Variants in RTEL1 observed in about 807,000 individuals in gnomAD.
RTEL1 encodes regulator of telomere elongation helicase 1, also known as regulator of telomere length.
A neutral mutation model predicts 162.2 loss-of-function variants in RTEL1; 86 were observed. The observed-to-expected ratio is 0.53, with a 90% confidence interval of 0.45 to 0.63. RTEL1 has a LOEUF of 0.63. RTEL1 is among the 30% of genes least tolerant of loss of function. RTEL1 has a pLI of 0.00. For missense variants in RTEL1, 1,941 were observed against 1,750.2 expected (o/e 1.11, Z -1.95); for synonymous variants, 958 against 717.9 (o/e 1.33, Z -5.35).
At chr20:63,685,677 T>C (rs1473089097) in intron 15 of RTEL1, 80 bp downstream of exon 15, 3 of 1,585,612 alleles carry the variant, frequency 1.9e-6, no homozygotes, top group Non-Finnish European at 2.6e-6. Flanking sequence ...TCCTATAAGG[T>C]GGGGGCCACC....
Position 63,695,349 on chromosome 20 carries a change from C to G in RTEL1, c.3521C>G (p.Thr1174Ser). 6.4e-7 allele frequency: 1 copy of G among 1,550,636 alleles called. No individual in the cohort carries two copies. The highest frequency in any genetic ancestry group is 8.7e-7 in the Non-Finnish European group (1 of 1,148,430). The change falls in exon 34 of 35, where the codon ACC (threonine) becomes AGC (serine). Residue 1174 changes from threonine to serine, a missense_variant. Thr to Ser is a moderately conservative substitution (Grantham distance 58). Transcript: ENST00000360203. ...CCAGGCCCCTCACGGTCCGAGAAGA[C>G]CGGGAAGACCCAGAGCAAGATCTCG... ...PQPGPSRSEK[T>S]GKTQSKISSF...
chr20:63,693,172 A>G lies in RTEL1; in HGVS notation c.2881A>G (p.Lys961Glu). ...GFYQFVRPHH[K>E]QQFEEVCIQL... ...CTACCAGTTTGTGCGGCCCCACCAT[A>G]AGCAGCAGTTTGAGGAGGTCTGTAT... The change falls in exon 30 of 35, where the codon AAG (lysine) becomes GAG (glutamate). Residue 961 changes from lysine (K) to glutamate (E), a missense_variant. By Grantham distance (56) the Lys-to-Glu change is moderately conservative. Coordinates refer to ENST00000360203, the MANE Select transcript of RTEL1 (RefSeq NM_001283009.2). 1 of 1,612,128 alleles carries G rather than the reference A, an allele frequency of 6.2e-7. No individual in the cohort carries two copies. Among genetic ancestry groups the G allele is most frequent in the Non-Finnish European group, 8.5e-7 (1 of 1,179,530 alleles).
At chr20:63,659,763 G>A (rs916257276) in intron 2 of RTEL1, among the ~76,000 whole-genome samples, 3 of 152,110 alleles carry the variant, frequency 2.0e-5, no homozygotes, top group Non-Finnish European at 2.9e-5. Context: ...AAATGAATAA[G>A]ACACAGAGAC....
chr20:63,693,474 TCCACCTCCACCA>T lies in RTEL1; in HGVS notation c.2992+203_2992+214del, dbSNP rs2090840909. Reference sequence around the variant, plus strand: ...CACCACCTCCACCTCCACCTCCACCTCCACCTCCACCACCACCTCCACCTCCACCACCACCTC... The same window carrying T: ...CACCACCTCCACCTCCACCTCCACCTCCACCTCCACCTCCACCACCACCTC... On this transcript the variant is annotated intron_variant, in intron 30 of 34. Coordinates refer to ENST00000360203, the MANE Select transcript of RTEL1 (RefSeq NM_001283009.2). Among the ~76,000 whole-genome samples the T allele has an allele frequency of 1.2e-3, 10 of 8,552 alleles. 1 individual carries two copies. The highest frequency in any genetic ancestry group is 4.3e-3 in the African/African-American group (8 of 1,870). 5.6% of individuals were successfully genotyped at this position (8,552 alleles called of 152,430 possible). A position where few individuals can be genotyped will look rare whatever the true frequency, so the allele number is the denominator to read the frequency against.
chr20:63,678,827 A>T (rs1156746050), intron 12 of RTEL1, among the ~76,000 whole-genome samples: 3 of 76,708 alleles, frequency 3.9e-5, no homozygotes, highest in Non-Finnish European at 7.7e-5. Context: ...CAGCACACAC[A>T]CCCACGGAAC....
Position 63,687,930 on chromosome 20 carries a change from C to T in RTEL1, c.1482-7C>T, listed in dbSNP as rs189271525. 1.1e-4 allele frequency: 182 copies of T among 1,612,058 alleles called. No homozygotes were observed. In the African/African-American group the frequency reaches 1.3e-3, roughly 12 times the overall value. ...CCCCACTGTCTGCTCCCTCTGGCCA[C>T]GCTCAGCCCTTTCCCAGTCTGCCTG... On this transcript the variant is annotated splice_region_variant and splice_polypyrimidine_tract_variant and intron_variant, in intron 17 of 34. Coordinates refer to ENST00000360203, the MANE Select transcript of RTEL1 (RefSeq NM_001283009.2).
At chr20:63,685,045 G>GTTT (rs745351879) in intron 14 of RTEL1, among the ~76,000 whole-genome samples, 10 of 127,500 alleles carry the variant, frequency 7.8e-5, no homozygotes, top group African/African-American at 2.6e-4. Flanking sequence ...GCCCGGCTAG[G>GTTT]TTTTTTTTTT....
Position 63,661,858 on chromosome 20 carries a change from A to C in RTEL1, c.310A>C (p.Thr104Pro), listed in dbSNP as rs1175895163. The change falls in exon 4 of 35, where the codon ACG becomes CCG. Residue 104 changes from threonine to proline, a missense_variant. Transcript: ENST00000360203. The surrounding 1 kb of genome is among the most constrained non-coding windows in gnomAD (Gnocchi z 5.1). ...AAAGDPIACY[T>P]DIPKIIYASR... Reference sequence around the variant, plus strand: ...TGCTTGTGTCTGGTCAGCTTGCTACACGGACATCCCAAAGATTATTTACGC... The same window carrying C: ...TGCTTGTGTCTGGTCAGCTTGCTACCCGGACATCCCAAAGATTATTTACGC... 6.2e-7 allele frequency: 1 copy of C among 1,613,932 alleles called. No homozygotes were observed. The highest frequency in any genetic ancestry group is 8.5e-7 in the Non-Finnish European group (1 of 1,179,972).
chr20:63,694,595 C>A, intron 31 of RTEL1, 107 bp downstream of exon 31: 1 of 1,238,582 alleles, frequency 8.1e-7, no homozygotes, highest in Non-Finnish European at 1.1e-6. Flanking sequence ...GGGGAGCCAT[C>A]TCATGGTGGG....
At position 63,688,613 on chromosome 20, in the gene RTEL1, C is replaced by T. The variant is rs765664650; in HGVS notation, c.1800+8C>T. 2.4e-5 allele frequency: 39 copies of T among 1,601,286 alleles called. No homozygotes were observed. Among genetic ancestry groups the T allele is most frequent in the Non-Finnish European group, 3.1e-5 (37 of 1,175,958 alleles). On this transcript the variant is annotated splice_region_variant and intron_variant, in intron 21 of 34. Coordinates refer to ENST00000360203, the MANE Select transcript of RTEL1 (RefSeq NM_001283009.2). The stretch of plus-strand genomic sequence containing the variant: ...AAAGGCAGCTTCTCCGAGGTCGGCA[C>T]TTGGCCGGGGCTCTGGGCCTGCTGC...
chr20:63,686,804 G>T lies in RTEL1; in HGVS notation c.1349-834G>T, dbSNP rs1035038971. On this transcript the variant is annotated intron_variant, in intron 16 of 34. Coordinates refer to ENST00000360203, the MANE Select transcript of RTEL1 (RefSeq NM_001283009.2). ...GGCCGGCGCCCCTCACGCAGTTGGG[G>T]TTGCGGGAGGCAGTGCGTGCCTGAG... is the stretch of plus-strand genomic sequence containing the variant. 7 of 158,954 alleles carry T rather than the reference G, an allele frequency of 4.4e-5. No homozygotes were observed. The East Asian group carries it at 1.0e-3, about 23-fold the overall frequency. The allele number at this position is 158,954 out of a possible 1,614,324, so 9.8% of individuals were successfully genotyped here.
At position 63,661,942 on chromosome 20, in the gene RTEL1, C is replaced by A. The variant is rs769533935; in HGVS notation, c.394C>A (p.Arg132=). The change falls in exon 4 of 35, where the codon CGG becomes AGG. Residue 132 remains arginine, a splice_region_variant and synonymous_variant. Transcript: ENST00000360203. The surrounding 1 kb of genome is among the most constrained non-coding windows in gnomAD (Gnocchi z 5.1). ...VINELRNTSY[R]PKVCVLGSRE... Reference sequence around the variant, plus strand: ...CAACGAGCTTCGGAACACCTCCTACCGGTGGGTCAGACGAGTTTACACCTG... The same window carrying A: ...CAACGAGCTTCGGAACACCTCCTACAGGTGGGTCAGACGAGTTTACACCTG... The A allele has an allele frequency of 5.0e-6, 8 of 1,613,234 alleles. No homozygotes were observed. Among genetic ancestry groups the A allele is most frequent in the African/African-American group, 1.3e-5 (1 of 74,866 alleles).
In RTEL1 at chr20:63,666,095, G is replaced by T. The variant is rs1270926075; in HGVS notation, c.614+16G>T. On this transcript the variant is annotated intron_variant, in intron 7 of 34. Coordinates refer to ENST00000360203, the MANE Select transcript of RTEL1 (RefSeq NM_001283009.2). ...GCAAGCACAGGTGAGACCCCTCAGT[G>T]AGGCCACGACCACTGTCCTTCCATG... 6 of 1,609,988 alleles carry T rather than the reference G, an allele frequency of 3.7e-6. No homozygotes were observed. The South Asian group carries it at 5.5e-5, about 15-fold the overall frequency.
chr20:63,688,499 T>G, intron 20 of RTEL1, 29 bp from the exon 21 acceptor site: 2 of 1,607,294 alleles, frequency 1.2e-6, no homozygotes, highest in Non-Finnish European at 1.7e-6. Flanking sequence ...TGACCAGGGC[T>G]GCCGTGTCCC....
intron 30 of RTEL1, among the ~76,000 whole-genome samples, chr20:63,693,729 ACCT>A (rs1568721685): frequency 1.3e-4 from 1 of 7,972 alleles, no homozygotes; most frequent in East Asian, 6.9e-4. Flanking sequence ...CTGCACCACC[ACCT>A]CCACCTCCAC....
chr20:63,659,313 G>A lies in RTEL1; in HGVS notation c.-90G>A. 1.2e-6 allele frequency: 1 copy of A among 857,366 alleles called. No individual in the cohort carries two copies. Among genetic ancestry groups the A allele is most frequent in the Non-Finnish European group, 2.0e-6 (1 of 502,536 alleles). 53.1% of individuals were successfully genotyped at this position (857,366 alleles called of 1,614,324 possible). ...CGCATCGCTTACCAGGAGTGCCCGA[G>A]ACCCTAAGATGTTCGGAGTGGTTTT... is the stretch of plus-strand genomic sequence containing the variant. On this transcript the variant is annotated 5_prime_UTR_variant, in exon 2 of 35. Transcript: ENST00000360203.
intron 30 of RTEL1, 93 bp from the exon 31 acceptor site, chr20:63,694,279 A>G: frequency 9.0e-7 from 1 of 1,111,000 alleles, no homozygotes; most frequent in Admixed American, 1.7e-5. Flanking sequence ...GAGGTGGGTG[A>G]GGCCTGGCCT....
At chr20:63,685,744 C>G (rs2090578000) in intron 15 of RTEL1, 47 bp from the exon 16 acceptor site, 2 of 1,598,638 alleles carry the variant, frequency 1.3e-6, no homozygotes, top group Non-Finnish European at 1.7e-6. Flanking sequence ...GGGGCTGCCC[C>G]CAGGACATGG....
In RTEL1 at chr20:63,669,172, A is replaced by T. The variant is rs201079872; in HGVS notation, c.699+1619A>T. ...CCTTGGTGATTGTTTTTTGACAAAC[A>T]TGCCAATTTAATTGAGAGAGGAAAT... On this transcript the variant is annotated intron_variant, in intron 8 of 34. Coordinates refer to ENST00000360203, the MANE Select transcript of RTEL1 (RefSeq NM_001283009.2). 1.1e-4 allele frequency among the ~76,000 whole-genome samples: 17 copies of T among 152,314 alleles called. No homozygotes were observed. The East Asian group carries it at 3.3e-3, about 29-fold the overall frequency.
Sources: gnomAD v4.1 joint callset for allele counts (sites outside exome capture counted in the v4.1 genomes callset) on GRCh38, gnomAD v4.1.1 for gene constraint, Gnocchi (gnomAD v3.1) non-coding constraint, MANE v1.5 for transcripts, NCBI Gene and HGNC (gene_info 2026-07-23, HGNC 2026-07-21) for gene names.